Variants in CNTN5 observed in about 807,000 individuals in gnomAD.
The protein encoded by CNTN5 is contactin 5.
Under a neutral mutation model 129.1 loss-of-function variants are expected in CNTN5, and 77 were observed. The ratio of observed to expected loss-of-function variants is 0.60; its 90% CI spans 0.50 to 0.72. The LOEUF (loss-of-function observed/expected upper bound fraction) is 0.72. Among genes scored for constraint, CNTN5 ranks in the 30% least tolerant of loss-of-function variants. CNTN5 has a pLI of 0.00. For synonymous variants in CNTN5, 509 were observed against 465.6 expected (o/e 1.09, Z -1.20); for missense variants, 1,478 against 1,328.8 (o/e 1.11, Z -1.75).
intron 2 of CNTN5, among the ~76,000 whole-genome samples, chr11:99,342,118 A>G (rs1004688813): frequency 6.6e-6 from 1 of 152,198 alleles, no homozygotes; most frequent in Non-Finnish European, 1.5e-5. Context: ...AAATAGTGTT[A>G]GTCTCAGAAA....
At chr11:99,082,938 G>A (rs1865865015) in intron 1 of CNTN5, among the ~76,000 whole-genome samples, 1 of 152,014 alleles carries the variant, frequency 6.6e-6, no homozygotes, top group East Asian at 1.9e-4. Flanking sequence ...TCTTCACAGT[G>A]GTTAATTCTA....
At chr11:99,222,372 T>C (rs1051157629) in intron 1 of CNTN5, among the ~76,000 whole-genome samples, 2 of 151,576 alleles carry the variant, frequency 1.3e-5, no homozygotes, top group Non-Finnish European at 3.0e-5. Flanking sequence ...ACAGGAAAAA[T>C]GTATTAACTC....
At chr11:99,784,181 C>G (rs1945424370) in intron 3 of CNTN5, among the ~76,000 whole-genome samples, 1 of 152,026 alleles carries the variant, frequency 6.6e-6, no homozygotes, top group African/African-American at 2.4e-5. Flanking sequence ...TTCTGGGATA[C>G]ATGTGCAGAA....
intron 21 of CNTN5, among the ~76,000 whole-genome samples, chr11:100,327,506 C>T (rs975159030): frequency 3.3e-5 from 5 of 152,178 alleles, no homozygotes; most frequent in South Asian, 4.1e-4. Context: ...CCCCTGCCCA[C>T]GGAGTCCTAT....
chr11:99,233,342 A>AAAC lies in CNTN5; in HGVS notation c.-209-91991_-209-91989dup, dbSNP rs540288555. On this transcript the variant is annotated intron_variant, in intron 1 of 24. Coordinates refer to ENST00000524871, the MANE Select transcript of CNTN5 (RefSeq NM_014361.4). ...CCCATAACAAGGGACTTCCAATTTG[A>AAAC]AACAACAACAACAACTAATAAATGA... 1.3e-3 allele frequency among the ~76,000 whole-genome samples: 192 copies of AAAC among 152,300 alleles called. 4 individuals carry two copies. The East Asian group carries it at 0.034, about 27-fold the overall frequency.
In CNTN5 at chr11:99,606,277, A is replaced by C. The variant is rs1392510890; in HGVS notation, c.55+50008A>C. ...CAGGATACAAAATCAATGTGCAAAA[A>C]TCACAAGCATTCTTATACACCAACA... On this transcript the variant is annotated intron_variant, in intron 3 of 24. Coordinates refer to ENST00000524871, the MANE Select transcript of CNTN5 (RefSeq NM_014361.4). Among the ~76,000 whole-genome samples, 3 of 129,782 alleles carry C rather than the reference A, an allele frequency of 2.3e-5. 1 individual carries two copies. The East Asian group carries it at 7.0e-4, about 30-fold the overall frequency. The allele number at this position is 129,782 out of a possible 152,430, so 85.1% of individuals were successfully genotyped here.
At chr11:99,667,296 A>T (rs1952831643) in intron 3 of CNTN5, among the ~76,000 whole-genome samples, 1 of 81,214 alleles carries the variant, frequency 1.2e-5, no homozygotes, top group Non-Finnish European at 3.4e-5. Flanking sequence ...TTCTAAAGCA[A>T]TTAATAAATT....
At chr11:99,932,557 G>T (rs949575125) in intron 7 of CNTN5, among the ~76,000 whole-genome samples, 3 of 151,996 alleles carry the variant, frequency 2.0e-5, no homozygotes, top group African/African-American at 7.3e-5. Context: ...CATATTTCTT[G>T]GGCTCTAGGG....
chr11:99,900,158 C>T (rs1486971715), intron 6 of CNTN5, among the ~76,000 whole-genome samples: 2 of 150,476 alleles, frequency 1.3e-5, no homozygotes, highest in Admixed American at 1.3e-4. Context: ...TTCAAAGAAC[C>T]AAACTTTTAC....
rs573349425 is a variant in CNTN5, at chr11:99,752,253, G to A, written c.56-67291G>A. On this transcript the variant is annotated intron_variant, in intron 3 of 24. Coordinates refer to ENST00000524871, the MANE Select transcript of CNTN5 (RefSeq NM_014361.4). ...AAGCGCTTTGTTTTTCAGAAAGTTG[G>A]AAGAGGCGAATTCATTTAAAATATC... 1.2e-4 allele frequency among the ~76,000 whole-genome samples: 19 copies of A among 152,294 alleles called. 1 individual carries two copies. The highest frequency in any genetic ancestry group is 2.4e-5 in the African/African-American group (1 of 41,572).
At chr11:99,833,568 ACT>A (rs1185522383) in intron 4 of CNTN5, among the ~76,000 whole-genome samples, 1 of 152,160 alleles carries the variant, frequency 6.6e-6, no homozygotes, top group South Asian at 2.1e-4. Context: ...GCTAGGATAA[ACT>A]CTGATGTTCA....
At chr11:100,116,877 A>G (rs1205736967) in intron 13 of CNTN5, among the ~76,000 whole-genome samples, 1 of 152,000 alleles carries the variant, frequency 6.6e-6, no homozygotes, top group African/African-American at 2.4e-5. Flanking sequence ...TGAATGAAAT[A>G]CTGGATAATA....
chr11:99,313,683 C>T (rs1230403079), intron 1 of CNTN5, among the ~76,000 whole-genome samples: 8 of 151,996 alleles, frequency 5.3e-5, no homozygotes, highest in Admixed American at 3.9e-4. Context: ...GATTAATTCA[C>T]ATAAAATTAA....
chr11:99,643,609 T>A (rs1437206850), intron 3 of CNTN5, among the ~76,000 whole-genome samples: 2 of 152,130 alleles, frequency 1.3e-5, no homozygotes, highest in Non-Finnish European at 2.9e-5. Context: ...CCAAGACATA[T>A]TAATGTTGTT....
chr11:100,085,174 C>CT (rs942244817), intron 13 of CNTN5, among the ~76,000 whole-genome samples: 5 of 151,878 alleles, frequency 3.3e-5, no homozygotes, highest in African/African-American at 1.2e-4. Context: ...AACTTCCGGT[C>CT]TTTTTTTCTG....
intron 1 of CNTN5, among the ~76,000 whole-genome samples, chr11:99,072,150 G>A (rs867586171): frequency 6.6e-6 from 1 of 152,030 alleles, no homozygotes; most frequent in South Asian, 2.1e-4. Flanking sequence ...TAAAGGGTTT[G>A]GAATGAATGG....
At chr11:99,433,766 G>A (rs1434391061) in intron 2 of CNTN5, among the ~76,000 whole-genome samples, 1 of 152,116 alleles carries the variant, frequency 6.6e-6, no homozygotes, top group Admixed American at 6.6e-5. Flanking sequence ...GATAGTTGAT[G>A]AAGCTAAAAG....
intron 3 of CNTN5, among the ~76,000 whole-genome samples, chr11:99,630,021 G>A (rs184073408): frequency 2.0e-5 from 3 of 151,312 alleles, no homozygotes; most frequent in South Asian, 2.1e-4. Flanking sequence ...GGATTTACAC[G>A]GTGGGAGATA....
At chr11:99,051,215 G>A (rs182875729) in intron 1 of CNTN5, among the ~76,000 whole-genome samples, 2 of 151,870 alleles carry the variant, frequency 1.3e-5, no homozygotes, top group African/African-American at 2.4e-5. Context: ...TTATAAGGTG[G>A]ATCTTCTTTT....
Sources: gnomAD v4.1 joint callset for allele counts (sites outside exome capture counted in the v4.1 genomes callset) on GRCh38, gnomAD v4.1.1 for gene constraint, MANE v1.5 for transcripts, NCBI Gene and HGNC (gene_info 2026-07-23, HGNC 2026-07-21) for gene names.